RECK: variants seen among roughly 807,000 people sequenced by gnomAD.
RECK encodes reversion inducing cysteine rich protein with kazal motifs.
Under a neutral mutation model 115.1 loss-of-function variants are expected in RECK, and 69 were observed. That is an observed-to-expected ratio of 0.60 (90% CI 0.49 to 0.73). The LOEUF (loss-of-function observed/expected upper bound fraction) is 0.73. Among genes scored for constraint, RECK ranks in the 30% least tolerant of loss-of-function variants. RECK has a pLI of 0.00. For synonymous variants in RECK, 414 were observed against 419.7 expected (o/e 0.99, Z 0.17); for missense variants, 1,047 against 1,203.7 (o/e 0.87, Z 1.93).
At chr9:36,104,305 TATATATATATATATATATATA>T (rs1823688128) in intron 12 of RECK, among the ~76,000 whole-genome samples, 1 of 62,808 alleles carries the variant, frequency 1.6e-5, no homozygotes, top group Admixed American at 1.9e-4. Flanking sequence ...TATATATATA[TATATATATATATATATATATA>T]TTTTTTTTTT....
chr9:36,060,251 C>T, intron 4 of RECK, 96 bp downstream of exon 4: 2 of 1,235,488 alleles, frequency 1.6e-6, no homozygotes, highest in Non-Finnish European at 2.3e-6. Flanking sequence ...AATTTATACT[C>T]TGGAGTTTCT....
chr9:36,037,678 A>T (rs950310567), intron 1 of RECK, among the ~76,000 whole-genome samples: 2 of 151,772 alleles, frequency 1.3e-5, no homozygotes, highest in Non-Finnish European at 2.9e-5. Context: ...TAAACCAAGG[A>T]TGGATAGGAA....
chr9:36,048,126 A>AATATATATTTATATATATATATAT (rs1821140441), intron 1 of RECK, among the ~76,000 whole-genome samples: 4 of 115,406 alleles, frequency 3.5e-5, no homozygotes, highest in African/African-American at 1.7e-4. Flanking sequence ...ACACAGGTTG[A>AATATATATTTATATATATATATAT]ATATATATAT....
chr9:36,074,686 A>G (rs1445642412), intron 6 of RECK, among the ~76,000 whole-genome samples: 1 of 152,212 alleles, frequency 6.6e-6, no homozygotes, highest in Non-Finnish European at 1.5e-5. Context: ...GTAACACAGT[A>G]TATCAGCTTT....
At chr9:36,074,964 G>A (rs556653729) in intron 6 of RECK, among the ~76,000 whole-genome samples, 2 of 152,236 alleles carry the variant, frequency 1.3e-5, no homozygotes, top group Non-Finnish European at 2.9e-5. Flanking sequence ...TCAGATGGCA[G>A]GTCAGCCTGG....
At chr9:36,102,853 G>A (rs1823614323) in intron 12 of RECK, among the ~76,000 whole-genome samples, 1 of 150,506 alleles carries the variant, frequency 6.6e-6, no homozygotes, top group East Asian at 2.0e-4. Context: ...CTACTCCGGA[G>A]GCCGAGGCAG....
Position 36,079,505 on chromosome 9 carries a change from T to G in RECK, c.406-1100T>G, listed in dbSNP as rs557376268. On this transcript the variant is annotated intron_variant, in intron 6 of 20. Coordinates refer to ENST00000377966, the MANE Select transcript of RECK (RefSeq NM_021111.3). Reference sequence around the variant, plus strand: ...TTTTGCTTTAAATTGTTAAATCAAGTGTGGCATATTCCTACAATGGAATAT... The same window carrying G: ...TTTTGCTTTAAATTGTTAAATCAAGGGTGGCATATTCCTACAATGGAATAT... Among the ~76,000 whole-genome samples, 32 of 152,314 alleles carry G rather than the reference T, an allele frequency of 2.1e-4. No homozygotes were observed. In the South Asian group the frequency reaches 6.4e-3, roughly 31 times the overall value.
chr9:36,104,332 T>A (rs1364918258), intron 12 of RECK, among the ~76,000 whole-genome samples: 176 of 31,654 alleles, frequency 5.6e-3, no homozygotes, highest in East Asian at 0.019. Context: ...ATATATTTTT[T>A]TTTTTTTTTT....
At chr9:36,079,892 G>A (rs748410659) in intron 6 of RECK, among the ~76,000 whole-genome samples, 19 of 152,048 alleles carry the variant, frequency 1.2e-4, no homozygotes, top group Non-Finnish European at 2.2e-4. Context: ...ACAGGGTGGT[G>A]TTTTCTGAAC....
At chr9:36,046,192 G>C (rs1177889190) in intron 1 of RECK, among the ~76,000 whole-genome samples, 2 of 152,238 alleles carry the variant, frequency 1.3e-5, no homozygotes, top group South Asian at 2.1e-4. Context: ...TATAAACCCA[G>C]AATATGTCTA....
At chr9:36,114,931 A>T (rs1824201468) in intron 16 of RECK, among the ~76,000 whole-genome samples, 1 of 152,190 alleles carries the variant, frequency 6.6e-6, no homozygotes, top group East Asian at 1.9e-4. Context: ...GGTGTCTAGG[A>T]CACAAGAGTA....
chr9:36,111,296 A>G (rs182213959), intron 15 of RECK, among the ~76,000 whole-genome samples: 1 of 152,340 alleles, frequency 6.6e-6, no homozygotes, highest in East Asian at 1.9e-4. Context: ...TGACTCAGAG[A>G]AAGAAGTTCA....
chr9:36,066,933 C>T, intron 6 of RECK: 2 of 1,115,212 alleles, frequency 1.8e-6, no homozygotes, highest in South Asian at 2.6e-5. Context: ...CCCAGTCTAT[C>T]TTCCCTAATT....
intron 4 of RECK, among the ~76,000 whole-genome samples, chr9:36,062,003 A>G (rs1000877221): frequency 6.6e-6 from 1 of 152,192 alleles, no homozygotes; most frequent in Non-Finnish European, 1.5e-5. Flanking sequence ...TTTTTCAAAT[A>G]TAAATAATAA....
intron 16 of RECK, 77 bp from the exon 17 acceptor site, chr9:36,116,908 C>A: frequency 8.6e-7 from 1 of 1,160,886 alleles, no homozygotes; most frequent in Non-Finnish European, 1.2e-6. Context: ...AGCCTCCTAT[C>A]CCTCATCTAG....
intron 12 of RECK, among the ~76,000 whole-genome samples, chr9:36,104,517 CTT>C (rs375907420): frequency 7.5e-6 from 1 of 132,632 alleles, no homozygotes. Context: ...TGAGGGGGGG[CTT>C]TTTTTTTTGA....
intron 14 of RECK, 66 bp downstream of exon 14, chr9:36,108,230 A>T: frequency 8.4e-7 from 1 of 1,195,194 alleles, no homozygotes; most frequent in Non-Finnish European, 1.2e-6. Flanking sequence ...TAGGAAGAAT[A>T]CTGGATAGAT....
chr9:36,096,286 T>C (rs926334665), intron 10 of RECK, among the ~76,000 whole-genome samples: 16 of 151,416 alleles, frequency 1.1e-4, no homozygotes, highest in Non-Finnish European at 8.8e-5. Context: ...CCTGTAATCC[T>C]AGCACTTTGG....
At chr9:36,113,411 C>G (rs770360040) in intron 16 of RECK, among the ~76,000 whole-genome samples, 1 of 152,038 alleles carries the variant, frequency 6.6e-6, no homozygotes, top group Non-Finnish European at 1.5e-5. Context: ...GAAACTAATC[C>G]AAGAAAGTTT....
Sources: allele counts gnomAD v4.1 joint callset (sites outside exome capture counted in the v4.1 genomes callset), GRCh38; gene constraint gnomAD v4.1.1; transcripts MANE v1.5; gene names NCBI Gene and HGNC (gene_info 2026-07-23, HGNC 2026-07-21).